CGAS: variants seen among roughly 807,000 people sequenced by gnomAD.
CGAS encodes 2'3'-cGAMP synthase.
CGAS carries 31 observed loss-of-function variants against 34.0 expected under a neutral mutation model. The observed-to-expected ratio is 0.91, with a 90% CI of 0.69 to 1.23. CGAS has a LOEUF of 1.23. Among genes scored for constraint, CGAS ranks in the 50% most tolerant of loss-of-function variants. CGAS has a pLI of 0.00. For synonymous variants in CGAS, 266 were observed against 260.0 expected, an observed-to-expected ratio of 1.02 and a Z score of -0.22; for missense variants, 597 against 657.6, an observed-to-expected ratio of 0.91 and a Z score of 1.01.
In CGAS at chr6:73,427,092, T is replaced by G. The variant is rs1000145966; in HGVS notation, c.1218-1514A>C. 3.3e-5 allele frequency among the ~76,000 whole-genome samples: 5 copies of G among 150,534 alleles called. No individual in the cohort carries two copies. The East Asian group carries it at 1.0e-3, about 30-fold the overall frequency. On this transcript the variant is annotated intron_variant, in intron 4 of 4. Coordinates refer to ENST00000370315, the MANE Select transcript of CGAS (RefSeq NM_138441.3). ...CTCGAACTCCTGACCTCAGGTGATC[T>G]ACCTGCCTCGGCCTCCCAAAGTGCT...
At chr6:73,427,081 C>T (rs551734248) in intron 4 of CGAS, among the ~76,000 whole-genome samples, 7 of 151,734 alleles carry the variant, frequency 4.6e-5, no homozygotes, top group African/African-American at 1.4e-4. Context: ...AACTCCTGAC[C>T]TCAGGTGATC....
intron 3 of CGAS, among the ~76,000 whole-genome samples, chr6:73,437,940 G>A (rs908749987): frequency 4.6e-5 from 7 of 151,888 alleles, no homozygotes; most frequent in East Asian, 1.9e-4. Context: ...ATGGTGGCAC[G>A]CACCTGTAGT....
At chr6:73,434,015 TCA>T (rs1278065733) in intron 3 of CGAS, among the ~76,000 whole-genome samples, 2 of 152,210 alleles carry the variant, frequency 1.3e-5, no homozygotes. Context: ...CAAGACTCTC[TCA>T]GACACCCTTG....
rs1226046240 is a variant in CGAS, at chr6:73,446,158, C to T, written c.658-411G>A. The stretch of plus-strand genomic sequence containing the variant: ...AGCCTGGTCCAACATGGTGAAACCC[C>T]GTCTCTACTAAAAATACAAAAATTA... On this transcript the variant is annotated intron_variant, in intron 1 of 4. Transcript: ENST00000370315. 2.6e-5 allele frequency among the ~76,000 whole-genome samples: 4 copies of T among 151,926 alleles called. No individual in the cohort carries two copies. The East Asian group carries it at 5.8e-4, about 22-fold the overall frequency.
intron 3 of CGAS, 72 bp downstream of exon 3, chr6:73,440,137 T>C (rs894164546): frequency 8.1e-6 from 11 of 1,365,360 alleles, no homozygotes; most frequent in Non-Finnish European, 1.1e-5. Flanking sequence ...TGGCTGTTGA[T>C]CTTTTACTGC....
intron 3 of CGAS, among the ~76,000 whole-genome samples, chr6:73,432,821 C>T (rs1175318997): frequency 1.3e-5 from 2 of 152,112 alleles, no homozygotes; most frequent in Admixed American, 6.6e-5. Context: ...CGGTGGCTCA[C>T]GCCTGTCATC....
At chr6:73,433,678 G>A (rs996508091) in intron 3 of CGAS, among the ~76,000 whole-genome samples, 2 of 151,520 alleles carry the variant, frequency 1.3e-5, no homozygotes, top group African/African-American at 4.9e-5. Flanking sequence ...TAGTAGAAAT[G>A]GGGTCTTACC....
chr6:73,433,046 T>C (rs1770220533), intron 3 of CGAS, among the ~76,000 whole-genome samples: 1 of 152,082 alleles, frequency 6.6e-6, no homozygotes, highest in South Asian at 2.1e-4. Context: ...ATCGCACCAC[T>C]GCACTCCAGC....
rs982845536 is a variant in CGAS, at chr6:73,451,579, G to T, written c.603C>A (p.Ser201=). The change falls in exon 1 of 5, where the codon TCC becomes TCA. Residue 201 remains serine, a synonymous_variant. Coordinates refer to ENST00000370315, the MANE Select transcript of CGAS (RefSeq NM_138441.3). The part of the protein sequence containing the change: ...DHLLLRLKCD[S]AFRGVGLLNT... ...TCAGCAGCCCGACGCCTCTGAACGC[G>T]GAGTCGCACTTCAGTCTGAGCAGCA... is the stretch of plus-strand genomic sequence containing the variant. 1.9e-6 allele frequency: 3 copies of T among 1,612,106 alleles called. No homozygotes were observed. The highest frequency in any genetic ancestry group is 1.7e-6 in the Non-Finnish European group (2 of 1,179,232).
chr6:73,431,583 A>G (rs137887711), intron 3 of CGAS, among the ~76,000 whole-genome samples: 2 of 152,338 alleles, frequency 1.3e-5, no homozygotes, highest in African/African-American at 4.8e-5. Context: ...CTCTACAGGA[A>G]AAATAACCTG....
chr6:73,452,072 G>A lies in CGAS; in HGVS notation c.110C>T (p.Ser37Phe), dbSNP rs746906830. The A allele has an allele frequency of 8.4e-6, 13 of 1,552,916 alleles. No individual in the cohort carries two copies. In the African/African-American group the frequency reaches 1.8e-4, roughly 21 times the overall value. ...ARGAPMDPTE[S>F]PAAPEAALPK... ...CAGGGCGGCCTCGGGGGCAGCCGGA[G>A]ACTCGGTGGGATCCATCGGGGCGCC... Residue 37 changes from serine to phenylalanine, a missense_variant, in exon 1 of 5, where the codon TCT (serine) becomes TTT (phenylalanine). Around this residue, in one of 3 missense-constraint regions of CGAS, gnomAD observed 321 missense variants for 314.3 expected, o/e 1.02. Transcript: ENST00000370315.
Position 73,445,588 on chromosome 6 carries a change from C to T in CGAS, c.817G>A (p.Ala273Thr). Residue 273 changes from alanine (A) to threonine (T), a missense_variant, in exon 2 of 5, where the codon GCT becomes ACT. Transcript: ENST00000370315. ...SQFLEGEILS[A>T]SKMLSKFRKI... ...CTAAACTTTGACAGCATCTTAGAAG[C>T]TGATAATATTTCACCTTCTAAAAAC... 1 of 1,610,676 alleles carries T rather than the reference C, an allele frequency of 6.2e-7. No individual in the cohort carries two copies. Among genetic ancestry groups the T allele is most frequent in the Non-Finnish European group, 8.5e-7 (1 of 1,178,858 alleles).
Position 73,449,508 on chromosome 6 carries a change from C to CACACACACACACACACACAA in CGAS, c.657+2016_657+2017insTTGTGTGTGTGTGTGTGTGT, listed in dbSNP as rs569310062. 4.2e-3 allele frequency among the ~76,000 whole-genome samples: 635 copies of CACACACACACACACACACAA among 150,430 alleles called. 4 individuals carry two copies. Among genetic ancestry groups the CACACACACACACACACACAA allele is most frequent in the South Asian group, 7.5e-3 (35 of 4,694 alleles). The stretch of plus-strand genomic sequence containing the variant: ...ACACACACACACACACACACACACA[C>CACACACACACACACACACAA]AAAGTGGTTCTGAATGGAGACTGTC... On this transcript the variant is annotated intron_variant, in intron 1 of 4. Transcript: ENST00000370315.
chr6:73,426,545 G>T (rs889745678), intron 4 of CGAS, among the ~76,000 whole-genome samples: 1 of 148,960 alleles, frequency 6.7e-6, no homozygotes, highest in African/African-American at 2.5e-5. Context: ...TTGAGACAGG[G>T]TCTCACTCTG....
In CGAS at chr6:73,451,676, A is replaced by C. The variant is rs1379678806; in HGVS notation, c.506T>G (p.Leu169Trp). The change falls in exon 1 of 5, where the codon TTG (leucine) becomes TGG (tryptophan). Residue 169 changes from leucine to tryptophan, a missense_variant. Leu to Trp is a moderately conservative substitution (Grantham distance 61, BLOSUM62 -2). Coordinates refer to ENST00000370315, the MANE Select transcript of CGAS (RefSeq NM_138441.3). ...ATCGCGGCTGAGCTTCAACTTCTCC[A>C]AAACCGCCCGGAGCTTCGAGGCCCC... is the stretch of plus-strand genomic sequence containing the variant. ...APGASKLRAV[L>W]EKLKLSRDDI... 2 of 1,613,880 alleles carry C rather than the reference A, an allele frequency of 1.2e-6. No individual in the cohort carries two copies. The highest frequency in any genetic ancestry group is 1.7e-6 in the Non-Finnish European group (2 of 1,180,010).
At position 73,440,343 on chromosome 6, in the gene CGAS, T is replaced by G. The variant is rs909191382; in HGVS notation, c.980A>C (p.Lys327Thr). The G allele has an allele frequency of 2.5e-6, 4 of 1,614,222 alleles. No homozygotes were observed. The highest frequency in any genetic ancestry group is 3.4e-6 in the Non-Finnish European group (4 of 1,180,048). The change falls in exon 3 of 5, where the codon AAA becomes ACA. Residue 327 changes from lysine (K) to threonine (T), a missense_variant. This residue lies in a region of CGAS where 271 missense variants were observed against 324.1 expected (regional missense o/e 0.84). Transcript: ENST00000370315. ...SVDITLALES[K>T]SSWPASTQEG... ...TTGGGTGCTAGCAGGCCAGCTACTTTTTGATTCCAAAGCCAGGGTTATATC... is the reference window on the plus strand; with the variant it reads ...TTGGGTGCTAGCAGGCCAGCTACTTGTTGATTCCAAAGCCAGGGTTATATC...
At chr6:73,440,188 T>C in intron 3 of CGAS, 21 bp downstream of exon 3, 1 of 1,589,232 alleles carries the variant, frequency 6.3e-7, no homozygotes. Context: ...TTCTTTAAGT[T>C]AACTTTAATA....
At position 73,428,722 on chromosome 6, in the gene CGAS, CTTCT is replaced by C. The variant is rs772496777; in HGVS notation, c.1200_1203del (p.Glu401ArgfsTer9). The stretch of plus-strand genomic sequence containing the variant: ...TAAGGCTGTTACCTGCAACATTTCT[CTTCT>C]TTGTTTTCACAGCACGTTTTAGATT... On this transcript the variant is annotated frameshift_variant, in exon 4 of 5. Transcript: ENST00000370315. LOFTEE classifies it low-confidence loss of function (END_TRUNC). The C allele has an allele frequency of 1.7e-5, 28 of 1,611,088 alleles. No individual in the cohort carries two copies. In the South Asian group the frequency reaches 2.4e-4, roughly 14 times the overall value.
At chr6:73,434,151 G>A (rs915286441) in intron 3 of CGAS, among the ~76,000 whole-genome samples, 3 of 152,204 alleles carry the variant, frequency 2.0e-5, no homozygotes, top group African/African-American at 7.2e-5. Context: ...AAAGAGTTCA[G>A]GGATAGCTAC....
Sources: gnomAD v4.1 joint callset for allele counts (sites outside exome capture counted in the v4.1 genomes callset) on GRCh38, gnomAD v4.1.1 for gene constraint, gnomAD v4.1.1 regional missense constraint, MANE v1.5 for transcripts, NCBI Gene and HGNC (gene_info 2026-07-23, HGNC 2026-07-21) for gene names.